Variants in PML observed in about 807,000 individuals in gnomAD.
PML encodes protein PML.
Under a neutral mutation model 65.2 loss-of-function variants are expected in PML, and 28 were observed. The ratio of observed to expected loss-of-function variants is 0.43; its 90% CI spans 0.32 to 0.59. The LOEUF (loss-of-function observed/expected upper bound fraction) is 0.59. Among genes scored for constraint, PML ranks in the 20% least tolerant of loss-of-function variants. The pLI, the probability that PML is intolerant of heterozygous loss-of-function variation, is 0.08. For synonymous variants in PML, 500 were observed against 508.8 expected (o/e 0.98, Z 0.23); for missense variants, 1,021 against 1,203.4 (o/e 0.85, Z 2.24).
rs1041394654 is a variant in PML at position 74,037,303 on chromosome 15, TC to T, written c.1710+2777del. On this transcript the variant is annotated intron_variant, in intron 7 of 8. Coordinates refer to ENST00000268058, the MANE Select transcript of PML (RefSeq NM_033238.3). The surrounding 1 kb of genome is among the most constrained non-coding windows in gnomAD (Gnocchi z 4.2). ...CAGTTGACATCTTGCTATTTACAGA[TC>T]CCCATCGCACCCCTTCCCTGCCCTC... The T allele has an allele frequency of 2.0e-6, 2 of 985,168 alleles. No homozygotes were observed. Among genetic ancestry groups the T allele is most frequent in the African/African-American group, 1.7e-5 (1 of 57,162 alleles). 61.0% of individuals were successfully genotyped at this position (985,168 alleles called of 1,614,324 possible).
chr15:74,024,135 G>T (rs1015894027), intron 3 of PML, among the ~76,000 whole-genome samples: 3 of 152,160 alleles, frequency 2.0e-5, no homozygotes, highest in Admixed American at 6.5e-5. Context: ...GAGTCTCCAG[G>T]AGTCTTTGAC....
Position 74,002,996 on chromosome 15 carries a change from C to T in PML, c.602+4520C>T, listed in dbSNP as rs551631792. Among the ~76,000 whole-genome samples, 7 of 152,226 alleles carry T rather than the reference C, an allele frequency of 4.6e-5. No individual in the cohort carries two copies. In the South Asian group the frequency reaches 1.5e-3, roughly 32 times the overall value. ...ACAAAATTAGCTGGACATGGTGGCA[C>T]ATGCCTCTCGTCCCAGCTATTCGGG... On this transcript the variant is annotated intron_variant, in intron 2 of 8. Coordinates refer to ENST00000268058, the MANE Select transcript of PML (RefSeq NM_033238.3).
At chr15:74,036,306 C>T (rs1051702) in intron 7 of PML, 2 of 1,446,690 alleles carry the variant, frequency 1.4e-6, no homozygotes, top group Non-Finnish European at 1.8e-6. Context: ...CACTAGGCCT[C>T]TGCCAGGATC....
chr15:74,030,984 G>A (rs1398221454), intron 4 of PML, among the ~76,000 whole-genome samples: 1 of 151,876 alleles, frequency 6.6e-6, no homozygotes, highest in East Asian at 1.9e-4. Context: ...CAGAGATGAG[G>A]TCTTGCTATG....
chr15:74,035,757 G>T lies in PML; in HGVS notation c.1710+1227G>T. On this transcript the variant is annotated intron_variant, in intron 7 of 8. Transcript: ENST00000268058. This position sits in a 1 kb window ranked among gnomAD's most constrained non-coding sequence, Gnocchi z 4.1. ...GGCTTCCCAGCTTGACATGTCTTCC[G>T]TGGTGGGGGCAGGGGAAAGCAGAGC... The T allele has an allele frequency of 1.2e-6, 2 of 1,614,068 alleles. No individual in the cohort carries two copies. The highest frequency in any genetic ancestry group is 1.7e-6 in the Non-Finnish European group (2 of 1,180,008).
rs576788756 is a variant in PML, at chr15:74,040,273, G to A, written c.1711-2716G>A. On this transcript the variant is annotated intron_variant, in intron 7 of 8. Transcript: ENST00000268058. ...AGTCCTTCTTCCCCTTTTCTTTGGC[G>A]CCTGGCATCTCTCACTGCATAGCAA... Among the ~76,000 whole-genome samples the A allele has an allele frequency of 1.2e-4, 19 of 152,206 alleles. No individual in the cohort carries two copies. In the South Asian group the frequency reaches 2.3e-3, roughly 18 times the overall value.
intron 2 of PML, among the ~76,000 whole-genome samples, chr15:74,000,505 G>A (rs574844484): frequency 3.3e-5 from 5 of 152,110 alleles, no homozygotes; most frequent in South Asian, 2.1e-4. Flanking sequence ...AGGGTTTCAC[G>A]ACATTGCCCA....
At position 74,033,784 on chromosome 15, in the gene PML, C is replaced by T. The variant is rs2071424429; in HGVS notation, c.1657+370C>T. 7 of 578,772 alleles carry T rather than the reference C, an allele frequency of 1.2e-5. No individual in the cohort carries two copies. The South Asian group carries it at 1.6e-4, about 13-fold the overall frequency. The allele number at this position is 578,772 out of a possible 1,614,324, so 35.9% of individuals were successfully genotyped here. On this transcript the variant is annotated intron_variant, in intron 6 of 8. Transcript: ENST00000268058. ...AACAGGAAACTGGACTCCCCATGAC[C>T]TTAACTCTGCTCTCTCAGTCTACAC... is the stretch of plus-strand genomic sequence containing the variant.
In PML at chr15:74,028,868, T is replaced by C. The variant is rs183382036; in HGVS notation, c.1255-3704T>C. Among the ~76,000 whole-genome samples the C allele has an allele frequency of 9.8e-5, 15 of 152,330 alleles. No homozygotes were observed. The East Asian group carries it at 2.3e-3, about 23-fold the overall frequency. ...AAAGCTGAATAATAATATCCCATTA[T>C]GTGTATATGCCACATTTTGTTGATC... On this transcript the variant is annotated intron_variant, in intron 4 of 8. Transcript: ENST00000268058.
intron 6 of PML, 125 bp downstream of exon 6, chr15:74,033,539 T>A: frequency 9.8e-7 from 1 of 1,025,158 alleles, no homozygotes; most frequent in Non-Finnish European, 1.5e-6. Context: ...TCCCACTGAA[T>A]AAGATAGGGA....
chr15:74,035,760 G>C lies in PML; in HGVS notation c.1710+1230G>C. 1.9e-6 allele frequency: 3 copies of C among 1,614,148 alleles called. No individual in the cohort carries two copies. The South Asian group carries it at 3.3e-5, about 18-fold the overall frequency. On this transcript the variant is annotated intron_variant, in intron 7 of 8. Coordinates refer to ENST00000268058, the MANE Select transcript of PML (RefSeq NM_033238.3). The surrounding 1 kb of genome is among the most constrained non-coding windows in gnomAD (Gnocchi z 4.1). Reference sequence around the variant, plus strand: ...TTCCCAGCTTGACATGTCTTCCGTGGTGGGGGCAGGGGAAAGCAGAGCCCA... The same window carrying C: ...TTCCCAGCTTGACATGTCTTCCGTGCTGGGGGCAGGGGAAAGCAGAGCCCA...
chr15:74,040,562 C>T lies in PML; in HGVS notation c.1711-2427C>T, dbSNP rs1427448145. 4.6e-5 allele frequency among the ~76,000 whole-genome samples: 7 copies of T among 152,176 alleles called. 1 individual carries two copies. Among genetic ancestry groups the T allele is most frequent in the Admixed American group, 3.3e-4 (5 of 15,266 alleles). ...GCACCAGGCCACTATGTCTGATGGC[C>T]CTGCTGGCAAACCTGAGTCTTTCAG... On this transcript the variant is annotated intron_variant, in intron 7 of 8. Transcript: ENST00000268058.
intron 2 of PML, among the ~76,000 whole-genome samples, chr15:74,017,696 A>G (rs2070656845): frequency 6.6e-6 from 1 of 152,192 alleles, no homozygotes. Flanking sequence ...TATATAAAAT[A>G]TTACATTTCT....
In PML at chr15:74,045,564, C is replaced by A. The variant is rs7183246; in HGVS notation, c.*556C>A. On this transcript the variant is annotated 3_prime_UTR_variant, in exon 9 of 9. Transcript: ENST00000268058. ...AACTCTGTTCCCTTCTCCTTTCATC[C>A]CAGAGGGGCCTCATCAGCAAAGACA... 361 of 233,996 alleles carry A rather than the reference C, an allele frequency of 1.5e-3. No homozygotes were observed. Among genetic ancestry groups the A allele is most frequent in the African/African-American group, 7.5e-3 (341 of 45,480 alleles). The allele number at this position is 233,996 out of a possible 1,614,324, so 14.5% of individuals were successfully genotyped here. A position where few individuals can be genotyped will look rare whatever the true frequency, so the allele number is the denominator to read the frequency against.
At chr15:74,040,714 T>C (rs2071677197) in intron 7 of PML, among the ~76,000 whole-genome samples, 1 of 152,198 alleles carries the variant, frequency 6.6e-6, no homozygotes, top group South Asian at 2.1e-4. Flanking sequence ...GTGGCCATAC[T>C]TTATGGAAGT....
At position 73,994,899 on chromosome 15, in the gene PML, C is replaced by T. The variant is rs905794356; in HGVS notation, c.87C>T (p.Pro29=). The T allele has an allele frequency of 6.4e-7, 1 of 1,551,284 alleles. No individual in the cohort carries two copies. The change falls in exon 1 of 9, where the codon CCC becomes CCT. Residue 29 remains proline, a synonymous_variant. Transcript: ENST00000268058. ...CCACCATGCCTCCCCCCGAGACCCCCTCTGAAGGCCGCCAGCCCAGCCCCA... is the reference window on the plus strand; with the variant it reads ...CCACCATGCCTCCCCCCGAGACCCCTTCTGAAGGCCGCCAGCCCAGCCCCA... ...QEPTMPPPET[P]SEGRQPSPSP... is the part of the protein sequence containing the mutation.
chr15:74,012,129 G>T (rs1341073762), intron 2 of PML, among the ~76,000 whole-genome samples: 1 of 136,138 alleles, frequency 7.3e-6, no homozygotes, highest in African/African-American at 2.7e-5. Flanking sequence ...TTTCCTAAAA[G>T]GTCCCTCTAA....
Position 74,042,419 on chromosome 15 carries a change from C to T in PML, c.1711-570C>T, listed in dbSNP as rs2071716103. 1 of 985,302 alleles carries T rather than the reference C, an allele frequency of 1.0e-6. No individual in the cohort carries two copies. Among genetic ancestry groups the T allele is most frequent in the Non-Finnish European group, 1.2e-6 (1 of 829,914 alleles). The allele number at this position is 985,302 out of a possible 1,614,324, so 61.0% of individuals were successfully genotyped here. A position where few individuals can be genotyped will look rare whatever the true frequency, so the allele number is the denominator to read the frequency against. ...TTCGGGGACAAGAAAAGGCAGGCTC[C>T]CGACCCCTTCCAAAGAATCATCTGG... On this transcript the variant is annotated intron_variant, in intron 7 of 8. Coordinates refer to ENST00000268058, the MANE Select transcript of PML (RefSeq NM_033238.3). This position sits in a 1 kb window ranked among gnomAD's most constrained non-coding sequence, Gnocchi z 5.3.
At chr15:74,036,407 C>G in intron 7 of PML, 1 of 1,331,142 alleles carries the variant, frequency 7.5e-7, no homozygotes, top group African/African-American at 1.5e-5. Context: ...CTTGCGAACC[C>G]TTATTCCACG....
Sources: allele counts gnomAD v4.1 joint callset (sites outside exome capture counted in the v4.1 genomes callset), GRCh38; gene constraint gnomAD v4.1.1; non-coding constraint Gnocchi (gnomAD v3.1); transcripts MANE v1.5; gene names NCBI Gene and HGNC (gene_info 2026-07-23, HGNC 2026-07-21).